The following FHOD3 variants were observed in gnomAD, a reference collection of about 807,000 sequenced individuals.
FHOD3 encodes FH1/FH2 domain-containing protein 3.
FHOD3 carries 90 observed loss-of-function variants against 173.0 expected under a neutral mutation model. That is an observed-to-expected ratio of 0.52 (90% CI 0.44 to 0.62). The LOEUF (loss-of-function observed/expected upper bound fraction) is 0.62, where lower values mean the gene tolerates loss of function less well. FHOD3 is among the 20% of genes least tolerant of loss of function. The pLI is 0.00. For missense variants in FHOD3, 1,945 were observed against 2,034.7 expected, an observed-to-expected ratio of 0.96 and a Z score of 0.85; for synonymous variants, 828 against 823.0, an observed-to-expected ratio of 1.01 and a Z score of -0.10.
intron 8 of FHOD3, among the ~76,000 whole-genome samples, chr18:36,606,399 C>T (rs528700618): frequency 4.9e-4 from 74 of 152,138 alleles, no homozygotes; most frequent in Non-Finnish European, 7.8e-4. Flanking sequence ...GTGAAACTTA[C>T]GCTCTGTTGG....
chr18:36,712,218 C>T (rs1453221505), intron 18 of FHOD3, among the ~76,000 whole-genome samples: 2 of 152,166 alleles, frequency 1.3e-5, no homozygotes, highest in African/African-American at 4.8e-5. Flanking sequence ...ATGGAAAAAT[C>T]ACTCATCATT....
intron 6 of FHOD3, among the ~76,000 whole-genome samples, chr18:36,594,010 G>A (rs765816705): frequency 6.6e-6 from 1 of 152,240 alleles, no homozygotes; most frequent in Non-Finnish European, 1.5e-5. Context: ...GCAAGTCCCT[G>A]CAGCAGCACC....
chr18:36,623,906 G>C (rs1006823361), intron 9 of FHOD3, among the ~76,000 whole-genome samples: 7 of 152,226 alleles, frequency 4.6e-5, no homozygotes, highest in African/African-American at 1.7e-4. Context: ...CCTCAGCCGA[G>C]CTCACATGAG....
chr18:36,449,430 G>T (rs2051692554), intron 3 of FHOD3, among the ~76,000 whole-genome samples: 1 of 152,106 alleles, frequency 6.6e-6, no homozygotes, highest in Admixed American at 6.5e-5. Flanking sequence ...TGTTATTCGT[G>T]TGGGGTTGAG....
At chr18:36,539,055 TA>T (rs1455020263) in intron 5 of FHOD3, among the ~76,000 whole-genome samples, 1 of 152,164 alleles carries the variant, frequency 6.6e-6, no homozygotes, top group Non-Finnish European at 1.5e-5. Context: ...ACATAAAAAG[TA>T]AAAAATCAGT....
Position 36,454,681 on chromosome 18 carries a change from C to T in FHOD3, c.338-47251C>T, listed in dbSNP as rs747960701. 7.3e-5 allele frequency among the ~76,000 whole-genome samples: 11 copies of T among 150,458 alleles called. No homozygotes were observed. The South Asian group carries it at 1.5e-3, about 20-fold the overall frequency. On this transcript the variant is annotated intron_variant, in intron 3 of 28. Coordinates refer to ENST00000590592, the MANE Select transcript of FHOD3 (RefSeq NM_001281740.3). ...GTTCCATTTTTTTTTTTCTCATAGA[C>T]GTTTAACCTGGAGCCCACCCCTGCA...
At chr18:36,477,602 TCTAC>T (rs2053660769) in intron 3 of FHOD3, among the ~76,000 whole-genome samples, 1 of 139,778 alleles carries the variant, frequency 7.2e-6, no homozygotes, top group Non-Finnish European at 1.6e-5. Context: ...TACCTACCTA[TCTAC>T]CTATCTATCT....
intron 1 of FHOD3, among the ~76,000 whole-genome samples, chr18:36,345,257 G>T (rs2045827740): frequency 6.6e-6 from 1 of 151,460 alleles, no homozygotes; most frequent in Admixed American, 6.6e-5. Flanking sequence ...AATAAAAGAA[G>T]GTATTAGAAA....
intron 8 of FHOD3, among the ~76,000 whole-genome samples, chr18:36,609,776 A>C (rs926291852): frequency 6.6e-6 from 1 of 151,876 alleles, no homozygotes; most frequent in South Asian, 2.1e-4. Flanking sequence ...CATCCTGCTA[A>C]ATTTGTGTAT....
At chr18:36,578,827 T>G (rs1282556415) in intron 6 of FHOD3, among the ~76,000 whole-genome samples, 1 of 152,184 alleles carries the variant, frequency 6.6e-6, no homozygotes, top group Non-Finnish European at 1.5e-5. Context: ...GGGTCCCATA[T>G]CCGTGGGTGA....
intron 13 of FHOD3, 69 bp from the exon 14 acceptor site, chr18:36,658,006 G>T: frequency 8.6e-7 from 1 of 1,166,844 alleles, no homozygotes; most frequent in Non-Finnish European, 1.3e-6. Flanking sequence ...GGTTTGCTAA[G>T]TCTTATTTAC....
At chr18:36,664,763 G>GGT (rs1488498651) in intron 14 of FHOD3, among the ~76,000 whole-genome samples, 1 of 134,282 alleles carries the variant, frequency 7.4e-6, no homozygotes, top group African/African-American at 2.7e-5. Context: ...AGCAAAAAGG[G>GGT]GTGTGTGTGT....
chr18:36,449,068 A>G (rs930278990), intron 3 of FHOD3, among the ~76,000 whole-genome samples: 3 of 151,986 alleles, frequency 2.0e-5, no homozygotes. Context: ...CATTTGAAAG[A>G]TGCTTGAAAA....
intron 3 of FHOD3, among the ~76,000 whole-genome samples, chr18:36,447,448 A>G (rs546743612): frequency 6.6e-6 from 1 of 151,996 alleles, no homozygotes; most frequent in South Asian, 2.1e-4. Flanking sequence ...GACTTTGCCT[A>G]ATTGGTTGGG....
intron 1 of FHOD3, among the ~76,000 whole-genome samples, chr18:36,332,606 G>A (rs141333387): frequency 4.2e-4 from 64 of 152,262 alleles, no homozygotes; most frequent in Non-Finnish European, 7.1e-4. Flanking sequence ...ACACTTGACC[G>A]GTGTCTGTTT....
At position 36,537,697 on chromosome 18, in the gene FHOD3, A is replaced by G. The variant is rs567354187; in HGVS notation, c.511+25154A>G. ...ACCAAACAACAGAGCTGCAAAATAC[A>G]TGAAGCAAAAACTGATAGAACTGCA... On this transcript the variant is annotated intron_variant, in intron 5 of 28. Coordinates refer to ENST00000590592, the MANE Select transcript of FHOD3 (RefSeq NM_001281740.3). Among the ~76,000 whole-genome samples, 6 of 152,226 alleles carry G rather than the reference A, an allele frequency of 3.9e-5. No homozygotes were observed. The South Asian group carries it at 1.0e-3, about 26-fold the overall frequency.
intron 1 of FHOD3, among the ~76,000 whole-genome samples, chr18:36,322,343 GA>G (rs1341061952): frequency 2.0e-5 from 3 of 152,152 alleles, no homozygotes; most frequent in Non-Finnish European, 4.4e-5. Context: ...ACCTCCTCTC[GA>G]GAGGGTTATG....
intron 23 of FHOD3, among the ~76,000 whole-genome samples, chr18:36,744,943 A>G (rs78316026): frequency 0.026 from 3,897 of 152,242 alleles, 163 homozygotes; most frequent in African/African-American, 0.088. Context: ...ATACCCTTAA[A>G]TAGGGCACAG....
At chr18:36,480,698 AT>A (rs2053834367) in intron 3 of FHOD3, among the ~76,000 whole-genome samples, 1 of 152,214 alleles carries the variant, frequency 6.6e-6, no homozygotes, top group Non-Finnish European at 1.5e-5. Flanking sequence ...GGTAAATAGC[AT>A]TTCGTCCTTA....
Sources: allele counts gnomAD v4.1 joint callset (sites outside exome capture counted in the v4.1 genomes callset), GRCh38; gene constraint gnomAD v4.1.1; transcripts MANE v1.5; gene names NCBI Gene and HGNC (gene_info 2026-07-23, HGNC 2026-07-21).